Variants in CYP4X1 observed in about 807,000 individuals in gnomAD.
CYP4X1 encodes cytochrome P450 4X1.
A neutral mutation model predicts 57.9 loss-of-function variants in CYP4X1; 44 were observed. That is an observed-to-expected ratio of 0.76 (90% CI 0.60 to 0.98). The LOEUF (loss-of-function observed/expected upper bound fraction) is 0.98, where lower values mean the gene tolerates loss of function less well. CYP4X1 is among the 50% of genes least tolerant of loss of function. The probability of loss-of-function intolerance (pLI) is 0.00; values close to 1 mark genes in which losing one functional copy is unlikely to be tolerated. For missense variants in CYP4X1, 532 were observed against 623.9 expected, an observed-to-expected ratio of 0.85 and a Z score of 1.57; for synonymous variants, 227 against 228.6, an observed-to-expected ratio of 0.99 and a Z score of 0.06.
chr1:46,994,077 G>C, the CYP4X1 span, among the ~76,000 whole-genome samples: 1 of 152,204 alleles, frequency 6.6e-6, no homozygotes, highest in African/African-American at 2.4e-5. Context: ...TAACATTTAA[G>C]TCTTTAATCC....
upstream of CYP4X1, among the ~76,000 whole-genome samples, chr1:47,021,037 T>C (rs1643990068): frequency 6.7e-6 from 1 of 148,206 alleles, no homozygotes; most frequent in Non-Finnish European, 1.5e-5. Flanking sequence ...CTTATTTCCA[T>C]CTAGAGGCAC....
At chr1:46,972,813 G>A in the CYP4X1 span, among the ~76,000 whole-genome samples, 2 of 151,306 alleles carry the variant, frequency 1.3e-5, no homozygotes, top group Non-Finnish European at 3.0e-5. Flanking sequence ...TGAAGTTTCT[G>A]AGATCTAGGA....
the CYP4X1 span, among the ~76,000 whole-genome samples, chr1:46,963,685 CT>C: frequency 6.6e-6 from 1 of 152,102 alleles, no homozygotes; most frequent in Non-Finnish European, 1.5e-5. Context: ...ACATTTTTTC[CT>C]TCATTTCAAC....
At chr1:46,969,246 G>GT in the CYP4X1 span, among the ~76,000 whole-genome samples, 1 of 152,186 alleles carries the variant, frequency 6.6e-6, no homozygotes, top group Non-Finnish European at 1.5e-5. Flanking sequence ...CGCCTTTGCC[G>GT]TGAGTGAAAA....
the CYP4X1 span, among the ~76,000 whole-genome samples, chr1:46,994,057 GT>G: frequency 6.6e-6 from 1 of 152,068 alleles, no homozygotes; most frequent in Non-Finnish European, 1.5e-5. Flanking sequence ...GGTTTTTATG[GT>G]TTCAGGTCTA....
the CYP4X1 span, among the ~76,000 whole-genome samples, chr1:46,977,778 C>A: frequency 1.3e-5 from 2 of 151,948 alleles, no homozygotes; most frequent in Admixed American, 1.3e-4. Flanking sequence ...GCTGATCTCT[C>A]GGCACAAACT....
At chr1:46,993,145 A>G in the CYP4X1 span, among the ~76,000 whole-genome samples, 1 of 129,102 alleles carries the variant, frequency 7.7e-6, no homozygotes, top group African/African-American at 3.0e-5. Flanking sequence ...ATGTGTTCTC[A>G]TTGTTCAATT....
chr1:46,970,850 C>T, the CYP4X1 span, among the ~76,000 whole-genome samples: 2 of 152,120 alleles, frequency 1.3e-5, no homozygotes, highest in Non-Finnish European at 2.9e-5. Flanking sequence ...CCTTAAAAAC[C>T]CCTGGTGTGA....
At chr1:47,044,307 TA>T (rs1284919321) in intron 8 of CYP4X1, among the ~76,000 whole-genome samples, 4 of 152,330 alleles carry the variant, frequency 2.6e-5, no homozygotes, top group Admixed American at 1.3e-4. Flanking sequence ...AGCATAGTTA[TA>T]AAAGGCTATT....
the CYP4X1 span, among the ~76,000 whole-genome samples, chr1:46,990,600 T>C: frequency 2.0e-5 from 3 of 152,182 alleles, no homozygotes; most frequent in African/African-American, 4.8e-5. Flanking sequence ...CACATGCACA[T>C]GTATGTTTAT....
chr1:46,961,696 A>G, the CYP4X1 span: 1 of 1,294,802 alleles, frequency 7.7e-7, no homozygotes, highest in Non-Finnish European at 1.0e-6. Flanking sequence ...TGACCCAACC[A>G]ACTTCTTCAC....
At chr1:47,053,768 T>A (rs1158844694), downstream of CYP4X1, among the ~76,000 whole-genome samples, 4 of 152,224 alleles carry the variant, frequency 2.6e-5, no homozygotes, top group Non-Finnish European at 5.9e-5. Flanking sequence ...TGGGGTTGTT[T>A]GTTTTTTTCT....
At chr1:47,037,038 A>G (rs184634997) in intron 6 of CYP4X1, among the ~76,000 whole-genome samples, 105 of 152,308 alleles carry the variant, frequency 6.9e-4, no homozygotes, top group Non-Finnish European at 1.2e-3. Flanking sequence ...ATAAATGGGC[A>G]TTATAAATAG....
At chr1:46,999,854 C>G in the CYP4X1 span, among the ~76,000 whole-genome samples, 1 of 151,818 alleles carries the variant, frequency 6.6e-6, no homozygotes, top group African/African-American at 2.4e-5. Flanking sequence ...ATCCCTATCT[C>G]TTTGGTGACA....
chr1:46,976,383 C>A, the CYP4X1 span, among the ~76,000 whole-genome samples: 2 of 152,118 alleles, frequency 1.3e-5, no homozygotes, highest in African/African-American at 4.8e-5. Flanking sequence ...TAGGTGGCAG[C>A]CTGGCTGAGG....
At chr1:46,968,120 A>T in the CYP4X1 span, among the ~76,000 whole-genome samples, 1 of 152,110 alleles carries the variant, frequency 6.6e-6, no homozygotes, top group Admixed American at 6.5e-5. Context: ...GGGGAGTCAG[A>T]AGGGCACTAG....
chr1:46,985,487 G>T, the CYP4X1 span, among the ~76,000 whole-genome samples: 4 of 152,190 alleles, frequency 2.6e-5, no homozygotes, highest in South Asian at 2.1e-4. Context: ...GAGAGCAGTG[G>T]ATCTCCCAGC....
the CYP4X1 span, among the ~76,000 whole-genome samples, chr1:47,002,063 C>G: frequency 3.9e-5 from 6 of 152,244 alleles, no homozygotes; most frequent in Admixed American, 3.3e-4. Context: ...GTGCCTAGGA[C>G]AGTGCCAGGG....
chr1:47,021,717 G>A (rs1039469), upstream of CYP4X1, among the ~76,000 whole-genome samples: 53,151 of 152,022 alleles, frequency 0.35, 9,922 homozygotes, highest in East Asian at 0.7. Flanking sequence ...GTGCTGGACA[G>A]GGGCAACTGG....
Sources: allele counts gnomAD v4.1 joint callset (sites outside exome capture counted in the v4.1 genomes callset), GRCh38; gene constraint gnomAD v4.1.1; transcripts MANE v1.5; gene names NCBI Gene and HGNC (gene_info 2026-07-23, HGNC 2026-07-21).